Variants in LOXL4 observed in about 807,000 individuals in gnomAD.
The protein encoded by LOXL4 is lysyl oxidase like 4.
LOXL4 carries 72 observed loss-of-function variants against 89.1 expected under a neutral mutation model. That is an observed-to-expected ratio of 0.81 (90% CI 0.67 to 0.98). LOXL4 has a LOEUF of 0.98. Among genes scored for constraint, LOXL4 ranks in the 50% least tolerant of loss-of-function variants. The pLI is 0.00. For missense variants in LOXL4, 984 were observed against 1,017.5 expected, an observed-to-expected ratio of 0.97 and a Z score of 0.45; for synonymous variants, 355 against 392.1, an observed-to-expected ratio of 0.91 and a Z score of 1.12.
intron 1 of LOXL4, among the ~76,000 whole-genome samples, chr10:98,267,037 G>A (rs1156737568): frequency 6.6e-6 from 1 of 152,132 alleles, no homozygotes; most frequent in Non-Finnish European, 1.5e-5. Flanking sequence ...GAGGAGGGGA[G>A]GGAAGTGAGG....
In LOXL4 at chr10:98,265,666, G is replaced by A. The variant is rs1399641093; in HGVS notation, c.-33+2466C>T. Among the ~76,000 whole-genome samples, 5 of 71,394 alleles carry A rather than the reference G, an allele frequency of 7.0e-5. 2 individuals are homozygous for A. The highest frequency in any genetic ancestry group is 1.5e-4 in the African/African-American group (3 of 20,472). The allele number at this position is 71,394 out of a possible 152,430, so 46.8% of individuals were successfully genotyped here. ...ACCCGCCTTGGCCTCCCAAAGTGAC[G>A]GGATTACCAGCGTGAGCCACTACAT... On this transcript the variant is annotated intron_variant, in intron 1 of 14. Transcript: ENST00000260702.
rs554311589 is a variant in LOXL4, at chr10:98,251,682, A to G, written c.1972T>C (p.Cys658Arg). ...CPTGLQRRYACANFGEQGVTV... is the reference protein window; with the variant it reads ...CPTGLQRRYARANFGEQGVTV... ...ACTCCCTGTTCTCCAAAGTTGGCAC[A>G]TGCGTAGCGCCGCTGCAGTCCTGTA... The change falls in exon 13 of 15, where the codon TGT becomes CGT. Residue 658 changes from cysteine (C) to arginine (R), a missense_variant. Transcript: ENST00000260702. 2.8e-5 allele frequency: 46 copies of G among 1,614,232 alleles called. No homozygotes were observed. The highest frequency in any genetic ancestry group is 3.7e-5 in the Non-Finnish European group (44 of 1,180,046).
At chr10:98,255,392 G>A (rs182622076) in intron 10 of LOXL4, among the ~76,000 whole-genome samples, 185 bp downstream of exon 10, 2 of 152,248 alleles carry the variant, frequency 1.3e-5, no homozygotes, top group Non-Finnish European at 1.5e-5. Context: ...CAATAACTCC[G>A]TGAGGGGGCA....
rs891436170 is a variant in LOXL4, at chr10:98,251,492, C to T, written c.2088+74G>A. On this transcript the variant is annotated intron_variant, in intron 13 of 14. Transcript: ENST00000260702. ...ACCCTGTATGGGAAATTCTTCCCTT[C>T]ATTTGCCCTCAGGGAAAGTTGTGGA... is the stretch of plus-strand genomic sequence containing the variant. 5.7e-6 allele frequency: 9 copies of T among 1,572,864 alleles called. No homozygotes were observed. In the African/African-American group the frequency reaches 1.2e-4, roughly 21 times the overall value.
At chr10:98,263,417 G>A (rs1858601711) in intron 1 of LOXL4, among the ~76,000 whole-genome samples, 1 of 152,192 alleles carries the variant, frequency 6.6e-6, no homozygotes, top group African/African-American at 2.4e-5. Context: ...ACAATAAACA[G>A]CAGCTCTTAT....
At chr10:98,256,057 C>G (rs1858352118) in intron 9 of LOXL4, 1 of 267,334 alleles carries the variant, frequency 3.7e-6, no homozygotes, top group Admixed American at 5.0e-5. Flanking sequence ...GCTGTGCTCA[C>G]ATTTCCCCAG....
At position 98,252,249 on chromosome 10, in the gene LOXL4, G is replaced by A. The variant is rs995550656; in HGVS notation, c.1951+104C>T. 26 of 789,078 alleles carry A rather than the reference G, an allele frequency of 3.3e-5. 1 individual carries two copies. In the South Asian group the frequency reaches 3.5e-4, roughly 11 times the overall value. The allele number at this position is 789,078 out of a possible 1,614,324, so 48.9% of individuals were successfully genotyped here. On this transcript the variant is annotated intron_variant, in intron 12 of 14. Transcript: ENST00000260702. ...TAACTTTTCAAGCCAGGGTCTCCAG[G>A]TGCCCTGGGCTGCTGAACAGGGCAG...
chr10:98,249,147 G>A (rs1379318057), intron 14 of LOXL4, among the ~76,000 whole-genome samples, 156 bp from the exon 15 acceptor site: 1 of 152,222 alleles, frequency 6.6e-6, no homozygotes, highest in Non-Finnish European at 1.5e-5. Flanking sequence ...GCCTGGGACA[G>A]GTGTGTGGTT....
At chr10:98,264,895 C>G (rs1182140421) in intron 1 of LOXL4, among the ~76,000 whole-genome samples, 1 of 152,228 alleles carries the variant, frequency 6.6e-6, no homozygotes, top group Non-Finnish European at 1.5e-5. Flanking sequence ...GCAGCTCATC[C>G]GCTTGAGTGG....
chr10:98,251,771 A>G (rs1858200198), intron 12 of LOXL4, 69 bp from the exon 13 acceptor site: 11 of 1,569,666 alleles, frequency 7.0e-6, no homozygotes, highest in Admixed American at 3.5e-5. Flanking sequence ...TATTTCCTTT[A>G]CCAGTTCAGT....
At chr10:98,250,708 T>A (rs1437054891) in intron 14 of LOXL4, among the ~76,000 whole-genome samples, 1 of 152,194 alleles carries the variant, frequency 6.6e-6, no homozygotes, top group East Asian at 1.9e-4. Context: ...GTGAGGACCC[T>A]AACCCTAACT....
chr10:98,252,975 C>T (rs1458974044), intron 11 of LOXL4, among the ~76,000 whole-genome samples: 3 of 152,238 alleles, frequency 2.0e-5, no homozygotes, highest in Non-Finnish European at 4.4e-5. Context: ...TTTCTCCACC[C>T]GTGGCTATGT....
intron 13 of LOXL4, 89 bp from the exon 14 acceptor site, chr10:98,251,265 A>T (rs1858185281): frequency 9.9e-7 from 1 of 1,011,588 alleles, no homozygotes; most frequent in Non-Finnish European, 1.5e-6. Context: ...ATGTGTTTCT[A>T]TTTGCTTCAT....
intron 6 of LOXL4, among the ~76,000 whole-genome samples, chr10:98,258,507 G>T (rs1215872248): frequency 6.6e-6 from 1 of 151,706 alleles, no homozygotes; most frequent in Non-Finnish European, 1.5e-5. Context: ...TGGCACTAAG[G>T]TATCTGTACC....
chr10:98,249,471 A>T (rs755508138), intron 14 of LOXL4, among the ~76,000 whole-genome samples: 1 of 152,068 alleles, frequency 6.6e-6, no homozygotes, highest in Non-Finnish European at 1.5e-5. Flanking sequence ...CTCCTTCACA[A>T]CTCTGGCTTG....
At chr10:98,264,584 A>G (rs1858633829) in intron 1 of LOXL4, among the ~76,000 whole-genome samples, 1 of 151,900 alleles carries the variant, frequency 6.6e-6, no homozygotes, top group South Asian at 2.1e-4. Flanking sequence ...GGAGGCTGTA[A>G]TCAGACGTTC....
In LOXL4 at chr10:98,257,726, C is replaced by T. The variant is rs760697880; in HGVS notation, c.1184G>A (p.Gly395Glu). The T allele has an allele frequency of 3.1e-6, 5 of 1,614,114 alleles. No individual in the cohort carries two copies. The Admixed American group carries it at 6.7e-5, about 22-fold the overall frequency. Residue 395 changes from glycine (G) to glutamate (E), a missense_variant, in exon 8 of 15, where the codon GGG (glycine) becomes GAG (glutamate). Gly to Glu is a moderately conservative substitution (Grantham distance 98, BLOSUM62 -2). Transcript: ENST00000260702. ...RTLSDCPALEGSQNGCQHEND... is the reference protein window; with the variant it reads ...RTLSDCPALEESQNGCQHEND... ...CTCATGTTGGCAACCATTCTGGGACCCTTCCAGGGCAGGGCAGTCGCTGAG... is the reference window on the plus strand; with the variant it reads ...CTCATGTTGGCAACCATTCTGGGACTCTTCCAGGGCAGGGCAGTCGCTGAG...
intron 6 of LOXL4, among the ~76,000 whole-genome samples, 192 bp downstream of exon 6, chr10:98,258,817 T>C (rs1341626375): frequency 6.6e-6 from 1 of 152,216 alleles, no homozygotes; most frequent in East Asian, 1.9e-4. Context: ...ATGTCAGCTT[T>C]CCATTTATGG....
chr10:98,249,049 G>GA, intron 14 of LOXL4, 58 bp from the exon 15 acceptor site: 2 of 1,366,826 alleles, frequency 1.5e-6, no homozygotes, highest in Non-Finnish European at 2.1e-6. Context: ...TCCCTTCCCT[G>GA]ACAACTTACA....
Sources: allele counts gnomAD v4.1 joint callset (sites outside exome capture counted in the v4.1 genomes callset), GRCh38; gene constraint gnomAD v4.1.1; transcripts MANE v1.5; gene names NCBI Gene and HGNC (gene_info 2026-07-23, HGNC 2026-07-21).